Variants in HSPA14 observed in about 807,000 individuals in gnomAD.
The protein encoded by HSPA14 is heat shock 70 kDa protein 14.
Under a neutral mutation model 65.5 loss-of-function variants are expected in HSPA14, and 37 were observed. The ratio of observed to expected loss-of-function variants is 0.56; its 90% CI spans 0.43 to 0.74. The LOEUF is 0.74. Ranked by LOEUF, HSPA14 falls within the 30% of genes least tolerant of loss-of-function variation. HSPA14 has a pLI of 0.00. For missense variants in HSPA14, 564 were observed against 607.6 expected (o/e 0.93, Z 0.75); for synonymous variants, 203 against 214.2 (o/e 0.95, Z 0.46).
chr10:14,865,668 G>A (rs563147749), intron 10 of HSPA14, among the ~76,000 whole-genome samples: 81 of 152,252 alleles, frequency 5.3e-4, no homozygotes, highest in African/African-American at 1.9e-3. Flanking sequence ...GCTCTGTTCT[G>A]TTCCATTGGT....
intron 3 of HSPA14, chr10:14,843,555 A>T: frequency 6.4e-7 from 1 of 1,550,594 alleles, no homozygotes; most frequent in Non-Finnish European, 8.7e-7. Context: ...CCTCTTCGAG[A>T]GCTGGTTTTG....
At chr10:14,851,981 T>C in intron 7 of HSPA14, among the ~76,000 whole-genome samples, 1 of 152,222 alleles carries the variant, frequency 6.6e-6, no homozygotes, top group East Asian at 1.9e-4. Flanking sequence ...TAGCTCCTAA[T>C]TTTGCATATG....
chr10:14,844,044 C>T (rs1834011564), intron 3 of HSPA14: 1 of 1,439,366 alleles, frequency 6.9e-7, no homozygotes, highest in Non-Finnish European at 9.0e-7. Flanking sequence ...ATTGCTAGTT[C>T]ATTTTCCCAA....
intron 12 of HSPA14, among the ~76,000 whole-genome samples, chr10:14,869,269 A>C (rs1451698035): frequency 6.7e-6 from 1 of 148,208 alleles, no homozygotes; most frequent in Non-Finnish European, 1.5e-5. Flanking sequence ...GTGTGTAAAG[A>C]GATACATATC....
intron 1 of HSPA14, 148 bp downstream of exon 1, chr10:14,838,607 C>G (rs1161947166): frequency 2.8e-6 from 2 of 723,512 alleles, no homozygotes; most frequent in South Asian, 2.0e-5. Flanking sequence ...AGCGAAGGGC[C>G]GGGCAGGCCC....
rs773919186 is a variant in HSPA14 at position 14,838,426 on chromosome 10, G to T, written c.24G>T (p.Leu8=). 6.2e-7 allele frequency: 1 copy of T among 1,606,606 alleles called. No individual in the cohort carries two copies. The change falls in exon 1 of 14, where the codon CTG becomes CTT. Residue 8 remains leucine (L), a synonymous_variant. Coordinates refer to ENST00000378372, the MANE Select transcript of HSPA14 (RefSeq NM_016299.4). ...TCATGGCGGCCATCGGAGTTCACCT[G>T]GGCTGCACCTCAGCCTGTGTGGCCG... The part of the protein sequence containing the change: MAAIGVH[L]GCTSACVAVY...
chr10:14,845,430 C>T (rs536907931), intron 3 of HSPA14: 2 of 985,210 alleles, frequency 2.0e-6, no homozygotes, highest in South Asian at 9.4e-5. Context: ...TGGGAGCGTA[C>T]CCAGAACCAT....
In HSPA14 at chr10:14,861,050, C is replaced by T. The variant is rs150106505; in HGVS notation, c.993+5107C>T. Among the ~76,000 whole-genome samples, 189 of 152,292 alleles carry T rather than the reference C, an allele frequency of 1.2e-3. 1 individual carries two copies. The highest frequency in any genetic ancestry group is 4.2e-3 in the African/African-American group (175 of 41,562). ...AGAGGTATAGTAGGGTGAGGCTTAACCTCCTTGAGGATTGACCCTTGGACT... is the reference window on the plus strand; with the variant it reads ...AGAGGTATAGTAGGGTGAGGCTTAATCTCCTTGAGGATTGACCCTTGGACT... On this transcript the variant is annotated intron_variant, in intron 10 of 13. Transcript: ENST00000378372.
rs199663411 is a variant in HSPA14, at chr10:14,854,154, C to A, written c.764C>A (p.Ala255Glu). 6.2e-7 allele frequency: 1 copy of A among 1,607,880 alleles called. No homozygotes were observed. The highest frequency in any genetic ancestry group is 2.2e-5 in the East Asian group (1 of 44,782). The change falls in exon 9 of 14, where the codon GCG (alanine) becomes GAG (glutamate). Residue 255 changes from alanine to glutamate, a missense_variant. Ala to Glu is a moderately radical substitution (Grantham distance 107). Coordinates refer to ENST00000378372, the MANE Select transcript of HSPA14 (RefSeq NM_016299.4). ...RSFKHDVRGN[A>E]RAMMKLTNSA... ...TTCAAACATGATGTGAGAGGAAATG[C>A]GCGAGCCATGATGAAATTAACGAAC...
intron 12 of HSPA14, among the ~76,000 whole-genome samples, chr10:14,870,088 G>A (rs1832841536): frequency 6.6e-6 from 1 of 152,096 alleles, no homozygotes; most frequent in Admixed American, 6.5e-5. Context: ...GGAAACTGAG[G>A]AATTTTATAG....
At chr10:14,853,995 C>G in intron 8 of HSPA14, 130 bp from the exon 9 acceptor site, 1 of 814,008 alleles carries the variant, frequency 1.2e-6, no homozygotes, top group Non-Finnish European at 1.8e-6. Flanking sequence ...TGGGATTACA[C>G]GCGTGAGCCA....
intron 3 of HSPA14, chr10:14,846,053 A>G (rs1456260523): frequency 1.8e-5 from 18 of 973,236 alleles, no homozygotes; most frequent in Non-Finnish European, 2.2e-5. Context: ...ATTTTAAGGT[A>G]GCATTCTGTG....
At chr10:14,848,754 ATTAT>A (rs1173789450) in intron 4 of HSPA14, 32 bp from the exon 5 acceptor site, 4 of 1,443,632 alleles carry the variant, frequency 2.8e-6, no homozygotes, top group African/African-American at 1.4e-5. Flanking sequence ...TTTATTAAAA[ATTAT>A]TTATTTAGCA....
chr10:14,870,186 G>T (rs956784444), intron 12 of HSPA14, among the ~76,000 whole-genome samples: 1 of 150,496 alleles, frequency 6.6e-6, no homozygotes, highest in East Asian at 1.9e-4. Context: ...TTTTCCAAAT[G>T]TATTTAAAAT....
chr10:14,855,656 A>G (rs1436698854), intron 9 of HSPA14, among the ~76,000 whole-genome samples, 185 bp from the exon 10 acceptor site: 2 of 152,200 alleles, frequency 1.3e-5, no homozygotes, highest in Non-Finnish European at 2.9e-5. Context: ...ATGATATTGC[A>G]TCACTCTTAC....
At chr10:14,856,340 AG>A (rs1306179234) in intron 10 of HSPA14, among the ~76,000 whole-genome samples, 2 of 152,214 alleles carry the variant, frequency 1.3e-5, no homozygotes, top group Non-Finnish European at 2.9e-5. Context: ...TTGTACGTGA[AG>A]GCACCAAGGT....
At position 14,852,419 on chromosome 10, in the gene HSPA14, A is replaced by G. The variant is rs780398993; in HGVS notation, c.622A>G (p.Met208Val). ...LGGTSLSLSV[M>V]EVNSGIYRVL... ...AGGAACATCCTTATCTCTCAGCGTC[A>G]TGGAAGTTAACAGTGGAATATATCG... is the stretch of plus-strand genomic sequence containing the variant. Residue 208 changes from methionine (M) to valine (V), a missense_variant, in exon 8 of 14, where the codon ATG becomes GTG. Coordinates refer to ENST00000378372, the MANE Select transcript of HSPA14 (RefSeq NM_016299.4). The G allele has an allele frequency of 6.8e-6, 11 of 1,613,988 alleles. No homozygotes were observed. The South Asian group carries it at 1.1e-4, about 16-fold the overall frequency.
chr10:14,844,453 CTTAATTTTTAA>C, intron 3 of HSPA14: 1 of 991,204 alleles, frequency 1.0e-6, no homozygotes, highest in Non-Finnish European at 1.2e-6. Flanking sequence ...AGTTTGAAAT[CTTAATTTTTAA>C]AATCCCTGTG....
intron 13 of HSPA14, 38 bp from the exon 14 acceptor site, chr10:14,871,490 G>T: frequency 1.7e-6 from 2 of 1,155,174 alleles, no homozygotes; most frequent in South Asian, 1.3e-5. Context: ...TTTATAAAAT[G>T]AGCTTGTGCA....
Sources: gnomAD v4.1 joint callset for allele counts (sites outside exome capture counted in the v4.1 genomes callset) on GRCh38, gnomAD v4.1.1 for gene constraint, MANE v1.5 for transcripts, NCBI Gene and HGNC (gene_info 2026-07-23, HGNC 2026-07-21) for gene names.